The following ARK2N variants were observed in gnomAD, a reference collection of about 807,000 sequenced individuals.
ARK2N encodes arkadia (RNF111) N-terminal like PKA signaling regulator 2N.
the ARK2N span, among the ~76,000 whole-genome samples, chr18:46,174,922 T>G: frequency 6.6e-6 from 1 of 152,224 alleles, no homozygotes; most frequent in Non-Finnish European, 1.5e-5. Context: ...CGCCTGCCTC[T>G]CGGCGCTTCC....
At chr18:46,266,976 G>A in the ARK2N span, 1 of 147,990 alleles carries the variant, frequency 6.8e-6, no homozygotes, top group East Asian at 2.0e-4. Flanking sequence ...ATAAAATAGA[G>A]TGTATTTAAA....
At chr18:46,216,083 A>C in the ARK2N span, 1 of 1,614,056 alleles carries the variant, frequency 6.2e-7, no homozygotes, top group Non-Finnish European at 8.5e-7. The surrounding 1 kb of genome is among the most constrained non-coding windows in gnomAD (Gnocchi z 4.3). Flanking sequence ...GACTCTTCTG[A>C]GTCTCAGTTA....
At chr18:46,249,205 T>TC in the ARK2N span, among the ~76,000 whole-genome samples, 1 of 151,954 alleles carries the variant, frequency 6.6e-6, no homozygotes, top group Non-Finnish European at 1.5e-5. Context: ...TCCCAGAAAC[T>TC]CCCCCTTTTC....
chr18:46,176,274 G>T, the ARK2N span, among the ~76,000 whole-genome samples: 2 of 151,860 alleles, frequency 1.3e-5, no homozygotes, highest in Admixed American at 6.6e-5. Context: ...GGCAATTTCA[G>T]TATTCTTCTT....
the ARK2N span, among the ~76,000 whole-genome samples, chr18:46,179,309 A>G: frequency 4.6e-5 from 7 of 152,206 alleles, no homozygotes; most frequent in Admixed American, 2.6e-4. Context: ...TTTCTTGGTC[A>G]TCAGATTAAA....
chr18:46,237,305 T>C, the ARK2N span, among the ~76,000 whole-genome samples: 1 of 152,074 alleles, frequency 6.6e-6, no homozygotes, highest in Non-Finnish European at 1.5e-5. Flanking sequence ...AAGAATCACA[T>C]TTTAAAAGAA....
chr18:46,238,462 A>G, the ARK2N span, among the ~76,000 whole-genome samples: 4 of 152,208 alleles, frequency 2.6e-5, no homozygotes, highest in African/African-American at 9.7e-5. Flanking sequence ...TAGAAAAGAA[A>G]AACCTGAAAC....
the ARK2N span, among the ~76,000 whole-genome samples, chr18:46,249,335 T>A: frequency 0.023 from 3,509 of 152,172 alleles, 56 homozygotes; most frequent in Non-Finnish European, 0.035. Flanking sequence ...GTTCACGCCA[T>A]TCTCCTGCCT....
the ARK2N span, among the ~76,000 whole-genome samples, chr18:46,200,274 A>C: frequency 6.6e-6 from 1 of 152,022 alleles, no homozygotes; most frequent in Non-Finnish European, 1.5e-5. Context: ...CAGGGACAAG[A>C]TGTCAGATGT....
chr18:46,236,790 C>T, the ARK2N span, among the ~76,000 whole-genome samples: 2 of 151,684 alleles, frequency 1.3e-5, no homozygotes, highest in African/African-American at 4.8e-5. Flanking sequence ...TTTATTCTAT[C>T]CTATAATGAA....
chr18:46,213,233 C>T, the ARK2N span, among the ~76,000 whole-genome samples: 1 of 151,842 alleles, frequency 6.6e-6, no homozygotes, highest in Non-Finnish European at 1.5e-5. Context: ...AACTCCTGAT[C>T]TCGTGATCCA....
chr18:46,204,187 AC>A, the ARK2N span, among the ~76,000 whole-genome samples: 1 of 151,882 alleles, frequency 6.6e-6, no homozygotes, highest in Admixed American at 6.6e-5. Context: ...CTTAGAAAAA[AC>A]TGTGATAAAT....
At chr18:46,256,858 A>G in the ARK2N span, among the ~76,000 whole-genome samples, 1 of 152,184 alleles carries the variant, frequency 6.6e-6, no homozygotes, top group Non-Finnish European at 1.5e-5. Context: ...CTGTATCAGT[A>G]GCCTGCTAAT....
chr18:46,182,510 G>C, the ARK2N span, among the ~76,000 whole-genome samples: 2 of 152,168 alleles, frequency 1.3e-5, no homozygotes, highest in African/African-American at 4.8e-5. Context: ...TTGGGAGGCA[G>C]AGTTGGGAGG....
At chr18:46,209,864 G>A in the ARK2N span, among the ~76,000 whole-genome samples, 3 of 152,116 alleles carry the variant, frequency 2.0e-5, no homozygotes, top group African/African-American at 7.2e-5. Context: ...AAAGTGCTGG[G>A]ATTACAGGCG....
the ARK2N span, among the ~76,000 whole-genome samples, chr18:46,215,610 T>C: frequency 2.6e-5 from 4 of 152,194 alleles, no homozygotes; most frequent in Non-Finnish European, 5.9e-5. Context: ...ATGGCATTTT[T>C]AGTAGCTCAG....
At chr18:46,202,290 G>C in the ARK2N span, among the ~76,000 whole-genome samples, 1 of 152,078 alleles carries the variant, frequency 6.6e-6, no homozygotes, top group African/African-American at 2.4e-5. Context: ...ATTTCCTCAG[G>C]ATCTGATTGC....
the ARK2N span, among the ~76,000 whole-genome samples, chr18:46,202,800 AT>A: frequency 0.021 from 3,087 of 146,098 alleles, 88 homozygotes; most frequent in African/African-American, 0.066. Context: ...AAAAATAAAA[AT>A]TAAAAAAAAA....
At chr18:46,198,820 A>T in the ARK2N span, among the ~76,000 whole-genome samples, 4 of 151,868 alleles carry the variant, frequency 2.6e-5, no homozygotes, top group Non-Finnish European at 4.4e-5. Flanking sequence ...GTTGGTCTCG[A>T]ACTCCTGACC....
Sources: gnomAD v4.1 joint callset for allele counts (sites outside exome capture counted in the v4.1 genomes callset) on GRCh38, gnomAD v4.1.1 for gene constraint, Gnocchi (gnomAD v3.1) non-coding constraint, MANE v1.5 for transcripts, NCBI Gene and HGNC (gene_info 2026-07-23, HGNC 2026-07-21) for gene names.